RORA: variants seen among roughly 807,000 people sequenced by gnomAD.
RORA encodes the protein RAR related orphan receptor A.
RORA carries 7 observed loss-of-function variants against 69.5 expected under a neutral mutation model. That is an observed-to-expected ratio of 0.10 (90% CI 0.06 to 0.19). The LOEUF (loss-of-function observed/expected upper bound fraction) is 0.19. Ranked by LOEUF, RORA falls within the 10% of genes least tolerant of loss-of-function variation. The pLI is 1.00. For synonymous variants in RORA, 261 were observed against 240.8 expected, an observed-to-expected ratio of 1.08 and a Z score of -0.78; for missense variants, 457 against 663.0, an observed-to-expected ratio of 0.69 and a Z score of 3.41.
At chr15:60,522,969 C>T (rs1320893757) in intron 3 of RORA, among the ~76,000 whole-genome samples, 6 of 146,534 alleles carry the variant, frequency 4.1e-5, no homozygotes, top group African/African-American at 1.5e-4. Context: ...ACCCAGGAGG[C>T]GGAGGTTGCA....
rs2065039788 is a variant in RORA at position 60,491,468 on chromosome 15, C to G, written c.*5987G>C. On this transcript the variant is annotated 3_prime_UTR_variant, in exon 11 of 11. Transcript: ENST00000335670. The stretch of plus-strand genomic sequence containing the variant: ...CATCTATTTAAAATATTCATATTCA[C>G]TTTCTCAATATAAGACTCCATGTTA... 6.6e-6 allele frequency: 1 copy of G among 152,086 alleles called. No individual in the cohort carries two copies. The highest frequency in any genetic ancestry group is 2.1e-4 in the South Asian group (1 of 4,828). 9.4% of individuals were successfully genotyped at this position (152,086 alleles called of 1,614,324 possible). A position where few individuals can be genotyped will look rare whatever the true frequency, so the allele number is the denominator to read the frequency against.
chr15:60,533,256 G>GTT (rs1489245921), intron 2 of RORA, among the ~76,000 whole-genome samples: 1 of 152,140 alleles, frequency 6.6e-6, no homozygotes, highest in Non-Finnish European at 1.5e-5. Flanking sequence ...TGCATACTGA[G>GTT]TTTCTTTGCT....
At chr15:60,502,891 G>T (rs1290073365) in intron 7 of RORA, 24 bp from the exon 8 acceptor site, 1 of 1,421,610 alleles carries the variant, frequency 7.0e-7, no homozygotes. Context: ...GAAATGGTTT[G>T]GGTCATTTGG....
At chr15:60,900,483 A>T (rs993066901) in intron 1 of RORA, among the ~76,000 whole-genome samples, 3 of 152,234 alleles carry the variant, frequency 2.0e-5, no homozygotes, top group Non-Finnish European at 4.4e-5. Context: ...CCTCAGAGTC[A>T]GATAGAGCTG....
chr15:60,885,724 C>A (rs997302769), intron 1 of RORA, among the ~76,000 whole-genome samples: 1 of 152,200 alleles, frequency 6.6e-6, no homozygotes, highest in African/African-American at 2.4e-5. Context: ...ATCTGTTTGT[C>A]TCAGCTCAAA....
chr15:60,889,454 C>A (rs2073789783), intron 1 of RORA, among the ~76,000 whole-genome samples: 1 of 152,220 alleles, frequency 6.6e-6, no homozygotes, highest in African/African-American at 2.4e-5. Context: ...GTGAATTAGG[C>A]TTCACTGCCT....
At chr15:60,549,426 A>C (rs2067166416) in intron 2 of RORA, among the ~76,000 whole-genome samples, 1 of 152,242 alleles carries the variant, frequency 6.6e-6, no homozygotes, top group Non-Finnish European at 1.5e-5. Context: ...TAAATATAAA[A>C]GAGTATTTGC....
At chr15:60,588,479 T>TCCATCCAC (rs1567108387) in intron 2 of RORA, among the ~76,000 whole-genome samples, 1 of 149,928 alleles carries the variant, frequency 6.7e-6, no homozygotes, top group East Asian at 2.0e-4. Context: ...CATCCATCCA[T>TCCATCCAC]CCAGTAACTT....
chr15:60,505,780 T>C, intron 5 of RORA, 151 bp from the exon 6 acceptor site: 1 of 896,600 alleles, frequency 1.1e-6, no homozygotes. Flanking sequence ...AATTTGGAAC[T>C]GTTTTGTATT....
At chr15:60,553,115 AC>A (rs1462440146) in intron 2 of RORA, among the ~76,000 whole-genome samples, 1 of 152,212 alleles carries the variant, frequency 6.6e-6, no homozygotes, top group Non-Finnish European at 1.5e-5. Flanking sequence ...TGCCTGGCAT[AC>A]AATTGTAACT....
intron 1 of RORA, among the ~76,000 whole-genome samples, chr15:61,125,621 T>A (rs2079136451): frequency 6.6e-6 from 1 of 152,238 alleles, no homozygotes; most frequent in African/African-American, 2.4e-5. Flanking sequence ...ATTATACCAT[T>A]TCAATTATTT....
chr15:60,812,691 C>T (rs1021320262), intron 1 of RORA, among the ~76,000 whole-genome samples: 2 of 152,184 alleles, frequency 1.3e-5, no homozygotes, highest in Non-Finnish European at 2.9e-5. Flanking sequence ...GAGACACTCC[C>T]TCCTTGTCCA....
At chr15:60,951,747 T>C (rs1317910134) in intron 1 of RORA, among the ~76,000 whole-genome samples, 2 of 152,102 alleles carry the variant, frequency 1.3e-5, no homozygotes, top group Non-Finnish European at 2.9e-5. Flanking sequence ...CAGGAAGAAG[T>C]TGAATCTCTG....
chr15:60,794,192 ATAAATGAAATAAAGGTC>A (rs2072457475), intron 1 of RORA, among the ~76,000 whole-genome samples: 1 of 152,248 alleles, frequency 6.6e-6, no homozygotes, highest in Non-Finnish European at 1.5e-5. Context: ...AAATACTGGC[ATAAATGAAATAAAGGTC>A]TGACTAAAAC....
intron 2 of RORA, among the ~76,000 whole-genome samples, chr15:60,663,077 C>T (rs1372818019): frequency 1.3e-5 from 2 of 152,252 alleles, no homozygotes; most frequent in Non-Finnish European, 2.9e-5. Flanking sequence ...CCACTCTGAT[C>T]TCCCTGTGGC....
At chr15:61,051,542 T>C (rs149251108) in intron 1 of RORA, among the ~76,000 whole-genome samples, 197 of 152,286 alleles carry the variant, frequency 1.3e-3, no homozygotes, top group African/African-American at 4.5e-3. Context: ...ATGCTCTGTA[T>C]TGGCACCTTC....
chr15:61,146,917 T>C (rs917251115), intron 1 of RORA, among the ~76,000 whole-genome samples: 6 of 150,842 alleles, frequency 4.0e-5, no homozygotes, highest in African/African-American at 1.2e-4. Flanking sequence ...GGCAGTAAAA[T>C]AGCAGCAGCA....
chr15:61,022,320 A>G (rs1241294477), intron 1 of RORA, among the ~76,000 whole-genome samples: 1 of 152,208 alleles, frequency 6.6e-6, no homozygotes, highest in African/African-American at 2.4e-5. Flanking sequence ...ATTAATACAA[A>G]CATGTTCATT....
chr15:60,698,219 G>A (rs1001833727), intron 1 of RORA, among the ~76,000 whole-genome samples: 1 of 152,128 alleles, frequency 6.6e-6, no homozygotes, highest in African/African-American at 2.4e-5. Flanking sequence ...CAAGAATGGG[G>A]AATGCTGTGG....
Sources: gnomAD v4.1 joint callset for allele counts (sites outside exome capture counted in the v4.1 genomes callset) on GRCh38, gnomAD v4.1.1 for gene constraint, MANE v1.5 for transcripts, NCBI Gene and HGNC (gene_info 2026-07-23, HGNC 2026-07-21) for gene names.